TPST2: variants seen among roughly 807,000 people sequenced by gnomAD.
TPST2 encodes tyrosylprotein sulfotransferase 2.
Under a neutral mutation model 27.8 loss-of-function variants are expected in TPST2, and 16 were observed. That is an observed-to-expected ratio of 0.58 (90% CI 0.39 to 0.88). The LOEUF (loss-of-function observed/expected upper bound fraction) is 0.88. Among genes scored for constraint, TPST2 ranks in the 40% least tolerant of loss-of-function variants. The pLI is 0.00. For missense variants in TPST2, 464 were observed against 543.1 expected, an observed-to-expected ratio of 0.85 and a Z score of 1.45; for synonymous variants, 229 against 231.7, an observed-to-expected ratio of 0.99 and a Z score of 0.10.
intron 2 of TPST2, among the ~76,000 whole-genome samples, chr22:26,542,231 G>A (rs1925898125): frequency 7.3e-6 from 1 of 137,414 alleles, no homozygotes; most frequent in Non-Finnish European, 1.6e-5. Flanking sequence ...GACAGAGCGA[G>A]ACTCCGTCTA....
intron 1 of TPST2, among the ~76,000 whole-genome samples, chr22:26,558,499 C>T (rs1926919833): frequency 6.6e-6 from 1 of 152,152 alleles, no homozygotes. Flanking sequence ...AGGGAGAAAG[C>T]AGCAAAGGAG....
intron 1 of TPST2, among the ~76,000 whole-genome samples, chr22:26,551,804 A>G (rs1434031625): frequency 6.6e-6 from 1 of 151,504 alleles, no homozygotes; most frequent in East Asian, 1.9e-4. Flanking sequence ...CATGGGAACT[A>G]TGTAACTTCC....
intron 3 of TPST2, among the ~76,000 whole-genome samples, chr22:26,539,289 T>C (rs1925659144): frequency 6.6e-6 from 1 of 152,134 alleles, no homozygotes; most frequent in African/African-American, 2.4e-5. Context: ...ATCCAGAGCC[T>C]GATCAGGATG....
chr22:26,581,771 C>G (rs962555746), intron 1 of TPST2, among the ~76,000 whole-genome samples: 3 of 152,210 alleles, frequency 2.0e-5, no homozygotes, highest in African/African-American at 7.2e-5. Flanking sequence ...CTAACACTCA[C>G]CAAATCAAAG....
chr22:26,576,425 T>C (rs1315633074), intron 1 of TPST2, among the ~76,000 whole-genome samples: 3 of 152,060 alleles, frequency 2.0e-5, no homozygotes, highest in African/African-American at 7.2e-5. Flanking sequence ...AGAGCTTGGT[T>C]AGGGGAAGCA....
At chr22:26,569,980 GAAAAGAAAGAAAAA>G (rs1569193706) in intron 1 of TPST2, among the ~76,000 whole-genome samples, 1 of 19,952 alleles carries the variant, frequency 5.0e-5, no homozygotes, top group Non-Finnish European at 9.0e-5. Context: ...AAGAAAGAAA[GAAAAGAAAGAAAAA>G]GAAAGAAAGA....
At chr22:26,567,500 A>C (rs1349799210) in intron 1 of TPST2, among the ~76,000 whole-genome samples, 5 of 152,234 alleles carry the variant, frequency 3.3e-5, no homozygotes, top group Non-Finnish European at 7.3e-5. Flanking sequence ...AGTTCCATCT[A>C]TACACCAGTC....
chr22:26,556,540 C>CA (rs374551091), intron 1 of TPST2, among the ~76,000 whole-genome samples: 1 of 151,222 alleles, frequency 6.6e-6, no homozygotes, highest in African/African-American at 2.4e-5. Flanking sequence ...AACTCCATCT[C>CA]AAAAAAAAAG....
intron 1 of TPST2, among the ~76,000 whole-genome samples, chr22:26,579,674 TGAGA>T (rs1473680321): frequency 2.0e-5 from 3 of 151,872 alleles, no homozygotes; most frequent in Admixed American, 6.6e-5. Context: ...AAGTTTTTAA[TGAGA>T]GAAAGGAAGG....
At chr22:26,560,520 C>G in intron 1 of TPST2, 1 of 825,650 alleles carries the variant, frequency 1.2e-6, no homozygotes, top group Non-Finnish European at 2.1e-6. Flanking sequence ...GGAAAAATAA[C>G]TAAACATGAG....
rs1414366684 is a variant in TPST2, at chr22:26,522,241, A to G, written c.*4034T>C. 6.6e-6 allele frequency: 1 copy of G among 151,204 alleles called. No homozygotes were observed. Among genetic ancestry groups the G allele is most frequent in the Non-Finnish European group, 1.5e-5 (1 of 67,718 alleles). The allele number at this position is 151,204 out of a possible 1,614,324, so 9.4% of individuals were successfully genotyped here. A position where few individuals can be genotyped will look rare whatever the true frequency, so the allele number is the denominator to read the frequency against. ...CAGAGAAGGGGAGTCACTTGGCCAC[A>G]GTCGCACAGTTGGAAAGTGGTAGAG... On this transcript the variant is annotated 3_prime_UTR_variant, in exon 7 of 7. Coordinates refer to ENST00000338754, the MANE Select transcript of TPST2 (RefSeq NM_003595.5).
At chr22:26,555,740 C>T (rs576724499) in intron 1 of TPST2, among the ~76,000 whole-genome samples, 6 of 152,316 alleles carry the variant, frequency 3.9e-5, no homozygotes, top group African/African-American at 9.6e-5. Context: ...CCCAGTGTCA[C>T]GTCCTGCCCA....
chr22:26,549,397 G>C (rs1226766959), intron 1 of TPST2, among the ~76,000 whole-genome samples: 1 of 152,166 alleles, frequency 6.6e-6, no homozygotes, highest in Non-Finnish European at 1.5e-5. Context: ...AGGGGCTCAC[G>C]CCTGTAATCC....
chr22:26,554,014 T>C (rs1317348606), intron 1 of TPST2, among the ~76,000 whole-genome samples: 1 of 152,144 alleles, frequency 6.6e-6, no homozygotes, highest in Non-Finnish European at 1.5e-5. Context: ...AACAATATAT[T>C]TTGACCCTCA....
At chr22:26,547,297 G>T (rs1293220579) in intron 1 of TPST2, among the ~76,000 whole-genome samples, 3 of 151,970 alleles carry the variant, frequency 2.0e-5, no homozygotes, top group African/African-American at 7.3e-5. Context: ...ATGGAGTCCC[G>T]CTATGTTGCC....
At chr22:26,534,420 TGA>T (rs1925337128) in intron 4 of TPST2, among the ~76,000 whole-genome samples, 1 of 152,166 alleles carries the variant, frequency 6.6e-6, no homozygotes, top group Non-Finnish European at 1.5e-5. Context: ...TGGATGAAAA[TGA>T]GAGACAGCTT....
At chr22:26,557,734 C>T (rs531579579) in intron 1 of TPST2, among the ~76,000 whole-genome samples, 2 of 104,958 alleles carry the variant, frequency 1.9e-5, no homozygotes, top group South Asian at 5.2e-4. Context: ...TGCTGGGGGA[C>T]CCAGGGAGCC....
At chr22:26,589,000 C>A (rs1202819496) in intron 1 of TPST2, among the ~76,000 whole-genome samples, 1 of 152,138 alleles carries the variant, frequency 6.6e-6, no homozygotes, top group South Asian at 2.1e-4. Context: ...AGGAGAATGC[C>A]AGGGAAGGCT....
intron 1 of TPST2, among the ~76,000 whole-genome samples, chr22:26,571,680 G>A (rs961846586): frequency 2.6e-5 from 4 of 152,274 alleles, no homozygotes; most frequent in Admixed American, 2.6e-4. Context: ...TCACTTGGAT[G>A]CTTGACAGCA....
Sources: gnomAD v4.1 joint callset for allele counts (sites outside exome capture counted in the v4.1 genomes callset) on GRCh38, gnomAD v4.1.1 for gene constraint, MANE v1.5 for transcripts, NCBI Gene and HGNC (gene_info 2026-07-23, HGNC 2026-07-21) for gene names.